ARAP1: variants seen among roughly 807,000 people sequenced by gnomAD.
ARAP1 encodes arf-GAP with Rho-GAP domain, ANK repeat and PH domain-containing protein 1.
ARAP1 carries 76 observed loss-of-function variants against 172.2 expected under a neutral mutation model. That is an observed-to-expected ratio of 0.44 (90% CI 0.37 to 0.53). ARAP1 has a LOEUF of 0.53. Among genes scored for constraint, ARAP1 ranks in the 20% least tolerant of loss-of-function variants. ARAP1 has a pLI of 0.00. For missense variants in ARAP1, 1,686 were observed against 1,977.5 expected, an observed-to-expected ratio of 0.85 and a Z score of 2.80; for synonymous variants, 804 against 803.3, an observed-to-expected ratio of 1.00 and a Z score of -0.01.
In ARAP1 at chr11:72,725,959, C is replaced by T. The variant is rs138376707; in HGVS notation, c.509+661G>A. On this transcript the variant is annotated intron_variant, in intron 3 of 34. Transcript: ENST00000393609. The surrounding 1 kb of genome is among the most constrained non-coding windows in gnomAD (Gnocchi z 4.3). Reference sequence around the variant, plus strand: ...GACAGCCGGGCATCCCAGCAGATGGCAGGAAGGGAGGGCGTCTGTGAAGGA... The same window carrying T: ...GACAGCCGGGCATCCCAGCAGATGGTAGGAAGGGAGGGCGTCTGTGAAGGA... Among the ~76,000 whole-genome samples, 509 of 152,190 alleles carry T rather than the reference C, an allele frequency of 3.3e-3. 1 individual carries two copies. Among genetic ancestry groups the T allele is most frequent in the African/African-American group, 0.012 (484 of 41,516 alleles).
intron 3 of ARAP1, among the ~76,000 whole-genome samples, chr11:72,715,793 C>T (rs1008764348): frequency 1.3e-5 from 2 of 151,986 alleles, no homozygotes; most frequent in African/African-American, 4.8e-5. Context: ...CCTCGGCTTC[C>T]CAAAGCAATC....
chr11:72,716,127 C>G (rs1015784981), intron 3 of ARAP1, among the ~76,000 whole-genome samples: 1 of 144,854 alleles, frequency 6.9e-6, no homozygotes, highest in East Asian at 2.1e-4. Flanking sequence ...GAGCCGAGAT[C>G]GCGCCACTGC....
At chr11:72,744,400 G>A (rs1858292392) in intron 1 of ARAP1, among the ~76,000 whole-genome samples, 2 of 152,062 alleles carry the variant, frequency 1.3e-5, no homozygotes, top group Non-Finnish European at 2.9e-5. Context: ...CTCCCAATAC[G>A]AGGTGCCTCC....
chr11:72,712,655 C>T (rs751457239), intron 5 of ARAP1, 87 bp from the exon 6 acceptor site: 209 of 1,595,012 alleles, frequency 1.3e-4, no homozygotes, highest in Non-Finnish European at 1.7e-4. Flanking sequence ...TCTGTCCACA[C>T]AGCCCCGACC....
At chr11:72,735,210 G>C (rs994782698) in intron 1 of ARAP1, among the ~76,000 whole-genome samples, 3 of 152,060 alleles carry the variant, frequency 2.0e-5, no homozygotes, top group African/African-American at 7.2e-5. Flanking sequence ...TTGAGCTCCT[G>C]GGCTCAAGTG....
chr11:72,694,885 C>T, intron 27 of ARAP1, 95 bp downstream of exon 27: 1 of 1,056,872 alleles, frequency 9.5e-7, no homozygotes, highest in Non-Finnish European at 1.4e-6. Flanking sequence ...TTTTCACCAC[C>T]CATCCTCATG....
chr11:72,711,398 AG>A, intron 8 of ARAP1, 31 bp downstream of exon 8: 1 of 1,598,926 alleles, frequency 6.3e-7, no homozygotes, highest in Non-Finnish European at 8.6e-7. Flanking sequence ...AGGCTGGAGC[AG>A]GGGTCGCGTC....
rs1443738524 is a variant in ARAP1 at position 72,711,561 on chromosome 11, C to A, written c.1023-62G>T. 6.3e-6 allele frequency: 9 copies of A among 1,420,092 alleles called. No individual in the cohort carries two copies. The Admixed American group carries it at 1.4e-4, about 21-fold the overall frequency. The allele number at this position is 1,420,092 out of a possible 1,614,324, so 88.0% of individuals were successfully genotyped here. ...GGTAGGAGGACAGGTTCCAGGACCA[C>A]CCCAGCCCTCAGAAGCCACACTCAG... On this transcript the variant is annotated intron_variant, in intron 7 of 34. Coordinates refer to ENST00000393609, the MANE Select transcript of ARAP1 (RefSeq NM_001040118.3).
At chr11:72,692,309 T>TG (rs1246846947) in intron 30 of ARAP1, among the ~76,000 whole-genome samples, 1 of 151,948 alleles carries the variant, frequency 6.6e-6, no homozygotes, top group Non-Finnish European at 1.5e-5. Flanking sequence ...CTACCCCAGG[T>TG]GGGGGTATCC....
At chr11:72,743,932 C>T (rs565127390) in intron 1 of ARAP1, among the ~76,000 whole-genome samples, 63 of 152,184 alleles carry the variant, frequency 4.1e-4, no homozygotes, top group African/African-American at 1.4e-3. Flanking sequence ...AAGGGGCTTC[C>T]ACCCACTGGC....
At chr11:72,711,222 C>A in intron 8 of ARAP1, 81 bp from the exon 9 acceptor site, 2 of 1,576,504 alleles carry the variant, frequency 1.3e-6, no homozygotes, top group Non-Finnish European at 1.7e-6. Flanking sequence ...AAGTCTGCAG[C>A]CCTGTCTCCT....
At chr11:72,747,197 G>T (rs867717545) in intron 1 of ARAP1, among the ~76,000 whole-genome samples, 3 of 152,218 alleles carry the variant, frequency 2.0e-5, no homozygotes, top group African/African-American at 7.2e-5. Context: ...TGGCCCTCCT[G>T]ATCTTCTCCC....
chr11:72,703,271 G>A (rs939276242), intron 14 of ARAP1, 192 bp from the exon 15 acceptor site: 34 of 615,640 alleles, frequency 5.5e-5, no homozygotes, highest in Non-Finnish European at 7.9e-5. Context: ...GGGAGGAGGG[G>A]TGAGCAGGGG....
rs890029811 is a variant in ARAP1 at position 72,723,234 on chromosome 11, G to A, written c.509+3386C>T. On this transcript the variant is annotated intron_variant, in intron 3 of 34. Transcript: ENST00000393609. ...GAGGTGGGAGGATTGCTTGAGCCCAGGAGTTCGAGGCTACAGTGAGCTATC... is the reference window on the plus strand; with the variant it reads ...GAGGTGGGAGGATTGCTTGAGCCCAAGAGTTCGAGGCTACAGTGAGCTATC... 3.9e-5 allele frequency among the ~76,000 whole-genome samples: 6 copies of A among 152,220 alleles called. No homozygotes were observed. In the East Asian group the frequency reaches 9.6e-4, roughly 24 times the overall value.
chr11:72,712,437 C>T lies in ARAP1; in HGVS notation c.878+1G>A. On this transcript the variant is annotated splice_donor_variant, in intron 6 of 34. Coordinates refer to ENST00000393609, the MANE Select transcript of ARAP1 (RefSeq NM_001040118.3). LOFTEE classifies it high-confidence loss of function. ...GGGAAGGAGGGTGGCCGGACACTCACTTGGGGACGCCCTCATAGGCGTGGT... is the reference window on the plus strand; with the variant it reads ...GGGAAGGAGGGTGGCCGGACACTCATTTGGGGACGCCCTCATAGGCGTGGT... The T allele has an allele frequency of 6.4e-7, 1 of 1,572,760 alleles. No individual in the cohort carries two copies. The highest frequency in any genetic ancestry group is 8.7e-7 in the Non-Finnish European group (1 of 1,153,482).
rs746544116 is a variant in ARAP1 at position 72,726,585 on chromosome 11, C to T, written c.509+35G>A. 1.2e-4 allele frequency: 178 copies of T among 1,465,412 alleles called. No individual in the cohort carries two copies. Among genetic ancestry groups the T allele is most frequent in the Non-Finnish European group, 1.6e-4 (173 of 1,109,062 alleles). The allele number at this position is 1,465,412 out of a possible 1,614,324, so 90.8% of individuals were successfully genotyped here. A position where few individuals can be genotyped will look rare whatever the true frequency, so the allele number is the denominator to read the frequency against. On this transcript the variant is annotated intron_variant, in intron 3 of 34. Coordinates refer to ENST00000393609, the MANE Select transcript of ARAP1 (RefSeq NM_001040118.3). This position sits in a 1 kb window ranked among gnomAD's most constrained non-coding sequence, Gnocchi z 6.5. The stretch of plus-strand genomic sequence containing the variant: ...CCATCTACCCTCTGGGATCCTCTGC[C>T]TGTGCGCCTCCCACCCTGGGTGGCA...
rs1856292079 is a variant in ARAP1, at chr11:72,697,957, C to T, written c.2691G>A (p.Glu897=). 6.2e-7 allele frequency: 1 copy of T among 1,611,882 alleles called. No individual in the cohort carries two copies. Among genetic ancestry groups the T allele is most frequent in the East Asian group, 2.2e-5 (1 of 44,832 alleles). The change falls in exon 19 of 35, where the codon GAG becomes GAA. Residue 897 remains glutamate (E), a synonymous_variant. Transcript: ENST00000393609. ...GTTGCAGCGGCTCTTCGCAGGGCCC[C>T]TCCGGGAAGACAGCACGGAGCTCCG... The part of the protein sequence containing the change: ...SGSELRAVFP[E]GPCEEPLQLR...
intron 33 of ARAP1, 113 bp from the exon 34 acceptor site, chr11:72,686,304 C>T (rs1855681587): frequency 2.9e-6 from 4 of 1,379,710 alleles, no homozygotes. Context: ...AGATGACACC[C>T]TCAGCTTTGA....
chr11:72,699,311 G>T lies in ARAP1; in HGVS notation c.2438+106C>A. ...CCCTTGTGCAGCCTCCGTTTGCTGT[G>T]TGACTCTGCGGAGGTCCTCCCCTTC... On this transcript the variant is annotated intron_variant, in intron 17 of 34. Transcript: ENST00000393609. This position sits in a 1 kb window ranked among gnomAD's most constrained non-coding sequence, Gnocchi z 4.2. 1 of 1,535,158 alleles carries T rather than the reference G, an allele frequency of 6.5e-7. No individual in the cohort carries two copies. The highest frequency in any genetic ancestry group is 8.8e-7 in the Non-Finnish European group (1 of 1,131,378).
Sources: allele counts gnomAD v4.1 joint callset (sites outside exome capture counted in the v4.1 genomes callset), GRCh38; gene constraint gnomAD v4.1.1; non-coding constraint Gnocchi (gnomAD v3.1); transcripts MANE v1.5; gene names NCBI Gene and HGNC (gene_info 2026-07-23, HGNC 2026-07-21).